RUNX1T1: variants seen among roughly 807,000 people sequenced by gnomAD.
RUNX1T1 encodes protein CBFA2T1.
Under a neutral mutation model 62.8 loss-of-function variants are expected in RUNX1T1, and 4 were observed. That is an observed-to-expected ratio of 0.06 (90% CI 0.03 to 0.15). The LOEUF (loss-of-function observed/expected upper bound fraction) is 0.15, where lower values mean the gene tolerates loss of function less well. Ranked by LOEUF, RUNX1T1 falls within the 10% of genes least tolerant of loss-of-function variation. RUNX1T1 has a pLI of 1.00. For synonymous variants in RUNX1T1, 291 were observed against 286.0 expected, an observed-to-expected ratio of 1.02 and a Z score of -0.18; for missense variants, 508 against 754.3, an observed-to-expected ratio of 0.67 and a Z score of 3.82.
upstream of RUNX1T1, chr8:92,063,077 C>A: frequency 4.2e-6 from 2 of 473,032 alleles, no homozygotes; most frequent in Non-Finnish European, 5.8e-6. Flanking sequence ...TTCTCATTTT[C>A]ATAGCCATAA....
At chr8:92,054,108 C>G (rs1240809460) in intron 1 of RUNX1T1, among the ~76,000 whole-genome samples, 1 of 149,424 alleles carries the variant, frequency 6.7e-6, no homozygotes, top group African/African-American at 2.5e-5. Flanking sequence ...ATTAAAAGTG[C>G]CACTTATTAG....
intron 1 of RUNX1T1, among the ~76,000 whole-genome samples, chr8:92,034,037 A>T (rs1319096484): frequency 1.3e-5 from 2 of 152,082 alleles, no homozygotes; most frequent in African/African-American, 4.8e-5. Context: ...GTGAAGGGGT[A>T]AAAAGCAGGA....
intron 2 of RUNX1T1, among the ~76,000 whole-genome samples, chr8:92,015,080 G>A (rs911806356): frequency 1.6e-4 from 24 of 152,114 alleles, no homozygotes; most frequent in African/African-American, 5.6e-4. Context: ...CCCAGGGCCA[G>A]CCCTGCCTCC....
rs191605549 is a variant in RUNX1T1 at position 92,017,175 on chromosome 8, T to C, written c.145+51A>G. 3.0e-6 allele frequency: 4 copies of C among 1,323,528 alleles called. No homozygotes were observed. In the Admixed American group the frequency reaches 8.3e-5, roughly 27 times the overall value. The allele number at this position is 1,323,528 out of a possible 1,614,324, so 82.0% of individuals were successfully genotyped here. A position where few individuals can be genotyped will look rare whatever the true frequency, so the allele number is the denominator to read the frequency against. Reference sequence around the variant, plus strand: ...TTGATTTTTCATTTGCAGAAAAAAATTTAATTTAAACTTTAAAACTGAAAC... The same window carrying C: ...TTGATTTTTCATTTGCAGAAAAAAACTTAATTTAAACTTTAAAACTGAAAC... On this transcript the variant is annotated intron_variant, in intron 2 of 10. Transcript: ENST00000396218.
intron 1 of RUNX1T1, among the ~76,000 whole-genome samples, chr8:92,081,544 T>G (rs1189845587): frequency 6.6e-6 from 1 of 151,616 alleles, no homozygotes; most frequent in Non-Finnish European, 1.5e-5. Flanking sequence ...TAGTTTTTTT[T>G]TTTTTTTTTA....
At chr8:91,960,498 C>T (rs1471788722) in exon 11 of RUNX1T1, 1 of 1,614,066 alleles carries the variant, frequency 6.2e-7, no homozygotes. Flanking sequence ...ACTCGCTTTA[C>T]GGCCACAATT....
At chr8:92,060,390 T>C (rs980802880) in intron 1 of RUNX1T1, among the ~76,000 whole-genome samples, 4 of 151,472 alleles carry the variant, frequency 2.6e-5, no homozygotes, top group African/African-American at 9.7e-5. Context: ...AAGATTGGGA[T>C]GTCTGAATAA....
At chr8:92,091,940 C>T (rs1403844261) in intron 1 of RUNX1T1, among the ~76,000 whole-genome samples, 1 of 152,202 alleles carries the variant, frequency 6.6e-6, no homozygotes, top group East Asian at 1.9e-4. Context: ...CCTGCCTTCC[C>T]CTTTATACAT....
intron 2 of RUNX1T1, among the ~76,000 whole-genome samples, chr8:92,071,717 G>C (rs1219444134): frequency 1.3e-5 from 2 of 152,110 alleles, no homozygotes; most frequent in African/African-American, 4.8e-5. Flanking sequence ...GAGATACTGG[G>C]TTTTCACACA....
chr8:92,050,512 T>C (rs1037984164), intron 1 of RUNX1T1, among the ~76,000 whole-genome samples: 1 of 152,304 alleles, frequency 6.6e-6, no homozygotes, highest in East Asian at 1.9e-4. Flanking sequence ...TTCACAATAA[T>C]GCCATGGCCT....
chr8:91,956,240 A>G (rs890213463), downstream of RUNX1T1: 7 of 231,546 alleles, frequency 3.0e-5, no homozygotes, highest in Non-Finnish European at 6.0e-5. Flanking sequence ...TTCCTATGGA[A>G]GGTAGTAATT....
chr8:92,092,849 AT>A (rs570994032), intron 1 of RUNX1T1, among the ~76,000 whole-genome samples: 86 of 151,222 alleles, frequency 5.7e-4, no homozygotes, highest in Non-Finnish European at 8.0e-4. Flanking sequence ...AGAATAGAAA[AT>A]TTTTTTTTTA....
chr8:92,015,040 G>A (rs1317852548), intron 2 of RUNX1T1, among the ~76,000 whole-genome samples: 1 of 152,140 alleles, frequency 6.6e-6, no homozygotes, highest in Non-Finnish European at 1.5e-5. Flanking sequence ...ATCCTGCACA[G>A]AGGCTGACAA....
At chr8:92,000,403 A>C (rs1396337591) in intron 5 of RUNX1T1, among the ~76,000 whole-genome samples, 2 of 152,204 alleles carry the variant, frequency 1.3e-5, no homozygotes, top group Non-Finnish European at 2.9e-5. Flanking sequence ...CACTCCTTGC[A>C]ACTGTGGAAT....
At chr8:92,005,221 G>C in exon 5 of RUNX1T1, 1 of 1,614,084 alleles carries the variant, frequency 6.2e-7, no homozygotes, top group Non-Finnish European at 8.5e-7. Context: ...TTCATGCTGG[G>C]CGAGGTACTG....
At position 92,084,245 on chromosome 8, in the gene RUNX1T1, A is replaced by C. The variant is rs979163870; in HGVS notation, c.-85-8108T>G. On this transcript the variant is annotated intron_variant, in intron 1 of 11. Coordinates refer to the RUNX1T1 transcript ENST00000265814. ...CATATATCCCAGAACTTAAAGTATA[A>C]TAAAAATAAAAATAAAAATAAAAGA... Among the ~76,000 whole-genome samples the C allele has an allele frequency of 2.7e-5, 4 of 150,422 alleles. No homozygotes were observed. The South Asian group carries it at 8.6e-4, about 32-fold the overall frequency.
chr8:92,011,922 T>C (rs1347326033), intron 3 of RUNX1T1, among the ~76,000 whole-genome samples: 1 of 152,232 alleles, frequency 6.6e-6, no homozygotes, highest in African/African-American at 2.4e-5. Context: ...AAATTAACCC[T>C]CATTTCATTC....
chr8:92,014,417 T>C (rs2131136754), intron 3 of RUNX1T1, among the ~76,000 whole-genome samples, 162 bp downstream of exon 4: 1 of 152,244 alleles, frequency 6.6e-6, no homozygotes, highest in East Asian at 1.9e-4. Flanking sequence ...TAATGCAGAA[T>C]TTAAAAGACT....
intron 6 of RUNX1T1, among the ~76,000 whole-genome samples, chr8:91,987,300 C>A (rs964908357): frequency 6.6e-6 from 1 of 152,110 alleles, no homozygotes; most frequent in East Asian, 1.9e-4. Flanking sequence ...TTAATAAATA[C>A]AAGAAACCAC....
Sources: gnomAD v4.1 joint callset for allele counts (sites outside exome capture counted in the v4.1 genomes callset) on GRCh38, gnomAD v4.1.1 for gene constraint, MANE v1.5 for transcripts, NCBI Gene and HGNC (gene_info 2026-07-23, HGNC 2026-07-21) for gene names.